The following CCDC146 variants were observed in gnomAD, a reference collection of about 807,000 sequenced individuals.
The protein encoded by CCDC146 is coiled-coil domain containing 146, also known as coiled-coil domain-containing protein 146.
In CCDC146, 92 loss-of-function variants were observed where a neutral mutation model predicts 119.3. The observed-to-expected ratio is 0.77, with a 90% CI of 0.65 to 0.92. The LOEUF is 0.92. Ranked by LOEUF, CCDC146 falls within the 40% of genes least tolerant of loss-of-function variation. The pLI is 0.00. For missense variants in CCDC146, 1,000 were observed against 1,103.0 expected, an observed-to-expected ratio of 0.91 and a Z score of 1.32; for synonymous variants, 372 against 371.8, an observed-to-expected ratio of 1.00 and a Z score of -0.01.
intron 4 of CCDC146, among the ~76,000 whole-genome samples, chr7:77,243,343 A>T (rs1188969489): frequency 6.6e-6 from 1 of 152,236 alleles, no homozygotes; most frequent in East Asian, 1.9e-4. Context: ...AGAAATGTTT[A>T]GTGTGTATTC....
At chr7:77,259,939 AGTGTGTGTGTGT>A (rs58669153) in intron 7 of CCDC146, 58 bp from the exon 8 acceptor site, 114,083 of 744,918 alleles carry the variant, frequency 0.15, 4,818 homozygotes, top group African/African-American at 0.25. Context: ...AAATAAGGCA[AGTGTGTGTGTGT>A]GTGTGTGTGT....
chr7:77,182,815 T>C (rs1456382636), intron 2 of CCDC146, among the ~76,000 whole-genome samples: 1 of 151,972 alleles, frequency 6.6e-6, no homozygotes, highest in Non-Finnish European at 1.5e-5. Flanking sequence ...AATTTGGATG[T>C]GGTGGATATA....
intron 9 of CCDC146, among the ~76,000 whole-genome samples, chr7:77,267,321 T>G (rs1793425281): frequency 6.6e-6 from 1 of 152,168 alleles, no homozygotes; most frequent in Non-Finnish European, 1.5e-5. Flanking sequence ...TGAGGCCCAG[T>G]GCTGACTTGT....
chr7:77,273,648 G>T lies in CCDC146; in HGVS notation c.1174-46G>T, dbSNP rs1280074305. 2.1e-6 allele frequency: 3 copies of T among 1,457,944 alleles called. No individual in the cohort carries two copies. In the African/African-American group the frequency reaches 4.2e-5, roughly 20 times the overall value. The allele number at this position is 1,457,944 out of a possible 1,614,324, so 90.3% of individuals were successfully genotyped here. Reference sequence around the variant, plus strand: ...CAATTCTCTGCCTCAGCCTCCCAAAGATTTATTTCTTACATAAATGCATGT... The same window carrying T: ...CAATTCTCTGCCTCAGCCTCCCAAATATTTATTTCTTACATAAATGCATGT... On this transcript the variant is annotated intron_variant, in intron 9 of 18. Coordinates refer to ENST00000285871, the MANE Select transcript of CCDC146 (RefSeq NM_020879.3).
chr7:77,261,769 G>A (rs189130298), intron 8 of CCDC146, among the ~76,000 whole-genome samples: 4 of 152,334 alleles, frequency 2.6e-5, no homozygotes, highest in Admixed American at 6.5e-5. Context: ...GAGCCACCGC[G>A]CCCAGCCCTC....
intron 2 of CCDC146, among the ~76,000 whole-genome samples, chr7:77,188,915 A>G (rs1791713997): frequency 6.6e-6 from 1 of 152,174 alleles, no homozygotes; most frequent in Admixed American, 6.6e-5. Flanking sequence ...GTGGGATGCA[A>G]CTGTGCTGGC....
intron 11 of CCDC146, among the ~76,000 whole-genome samples, chr7:77,275,790 C>G (rs1430713700): frequency 6.6e-6 from 1 of 152,166 alleles, no homozygotes; most frequent in African/African-American, 2.4e-5. Context: ...TAAGGCAGCA[C>G]TCCTGTCATG....
chr7:77,143,346 T>A (rs1392419783), intron 1 of CCDC146, among the ~76,000 whole-genome samples: 1 of 151,828 alleles, frequency 6.6e-6, no homozygotes, highest in East Asian at 1.9e-4. Context: ...ATTACAAAAA[T>A]TTTCTCCCAT....
At chr7:77,185,076 AAC>A (rs892068200) in intron 2 of CCDC146, among the ~76,000 whole-genome samples, 7 of 152,298 alleles carry the variant, frequency 4.6e-5, no homozygotes, top group African/African-American at 1.4e-4. Context: ...GTTTGTAGAT[AAC>A]AGAGGCTTTT....
intron 2 of CCDC146, among the ~76,000 whole-genome samples, chr7:77,179,615 A>T (rs1791550214): frequency 6.6e-6 from 1 of 152,144 alleles, no homozygotes; most frequent in South Asian, 2.1e-4. Context: ...TGATAGAGTG[A>T]CTAACTTTAT....
chr7:77,155,442 G>A (rs2117454331), intron 1 of CCDC146, among the ~76,000 whole-genome samples: 1 of 152,126 alleles, frequency 6.6e-6, no homozygotes, highest in East Asian at 1.9e-4. Context: ...TGCCTGTATT[G>A]TTGATCCTGC....
chr7:77,236,020 G>A (rs985277686), intron 2 of CCDC146, among the ~76,000 whole-genome samples: 6 of 149,928 alleles, frequency 4.0e-5, no homozygotes, highest in African/African-American at 1.0e-4. Flanking sequence ...GCAGTGAGCC[G>A]AGATTGCACC....
intron 1 of CCDC146, among the ~76,000 whole-genome samples, chr7:77,162,202 T>C (rs1222528197): frequency 1.3e-5 from 2 of 152,186 alleles, no homozygotes; most frequent in Admixed American, 6.5e-5. Flanking sequence ...TTTGGTGTCA[T>C]ATCCAAAATA....
At chr7:77,124,512 A>C (rs1001892071) in intron 1 of CCDC146, among the ~76,000 whole-genome samples, 11 of 152,220 alleles carry the variant, frequency 7.2e-5, no homozygotes, top group African/African-American at 2.4e-4. Context: ...ACAGATTCAG[A>C]AACATTAAGA....
chr7:77,277,033 C>T (rs969404073), intron 11 of CCDC146, among the ~76,000 whole-genome samples: 1 of 152,018 alleles, frequency 6.6e-6, no homozygotes, highest in African/African-American at 2.4e-5. Context: ...GATTGCGCCA[C>T]TGCACTCCAG....
intron 9 of CCDC146, among the ~76,000 whole-genome samples, chr7:77,263,792 T>C (rs1425536696): frequency 6.6e-6 from 1 of 152,088 alleles, no homozygotes; most frequent in African/African-American, 2.4e-5. Context: ...GGTGTGCTGG[T>C]GCACACCCAT....
At chr7:77,220,608 G>T (rs898576218) in intron 2 of CCDC146, among the ~76,000 whole-genome samples, 1 of 152,124 alleles carries the variant, frequency 6.6e-6, no homozygotes, top group Non-Finnish European at 1.5e-5. Flanking sequence ...CCCTCTGTTA[G>T]GGGTCCCTGA....
At chr7:77,254,069 T>TA (rs1793130983) in intron 4 of CCDC146, among the ~76,000 whole-genome samples, 1 of 152,102 alleles carries the variant, frequency 6.6e-6, no homozygotes, top group Admixed American at 6.5e-5. Context: ...ATTTACATGT[T>TA]AAAAAATCAC....
At chr7:77,224,901 C>T (rs1215994345) in intron 2 of CCDC146, among the ~76,000 whole-genome samples, 2 of 152,082 alleles carry the variant, frequency 1.3e-5, no homozygotes, top group Admixed American at 6.5e-5. Context: ...AGTCTGGTTA[C>T]TACAGGTTGC....
Sources: gnomAD v4.1 joint callset for allele counts (sites outside exome capture counted in the v4.1 genomes callset) on GRCh38, gnomAD v4.1.1 for gene constraint, MANE v1.5 for transcripts, NCBI Gene and HGNC (gene_info 2026-07-23, HGNC 2026-07-21) for gene names.